The following MED17 variants were observed in gnomAD, a reference collection of about 807,000 sequenced individuals.
MED17 encodes the protein mediator complex subunit 17, also known as mediator of RNA polymerase II transcription subunit 17.
Under a neutral mutation model 80.8 loss-of-function variants are expected in MED17, and 49 were observed. The ratio of observed to expected loss-of-function variants is 0.61; its 90% CI spans 0.48 to 0.77. MED17 has a LOEUF of 0.77. Among genes scored for constraint, MED17 ranks in the 30% least tolerant of loss-of-function variants. The probability of loss-of-function intolerance (pLI) is 0.00; values close to 1 mark genes in which losing one functional copy is unlikely to be tolerated. For synonymous variants in MED17, 281 were observed against 280.4 expected (o/e 1.00, Z -0.02); for missense variants, 718 against 787.0 (o/e 0.91, Z 1.05).
At position 93,814,771 on chromosome 11, in the gene MED17, T is replaced by C. The variant is rs1030406560; in HGVS notation, c.*2707T>C. 2.6e-5 allele frequency: 4 copies of C among 152,222 alleles called. No individual in the cohort carries two copies. The highest frequency in any genetic ancestry group is 4.4e-5 in the Non-Finnish European group (3 of 68,040). 9.4% of individuals were successfully genotyped at this position (152,222 alleles called of 1,614,324 possible). A position where few individuals can be genotyped will look rare whatever the true frequency, so the allele number is the denominator to read the frequency against. The stretch of plus-strand genomic sequence containing the variant: ...CTGTATTCATATTTGTATGATGTTT[T>C]ATATATGGTGAAGATATTGAGTGTT... On this transcript the variant is annotated 3_prime_UTR_variant, in exon 12 of 12. Coordinates refer to ENST00000251871, the MANE Select transcript of MED17 (RefSeq NM_004268.5).
intron 7 of MED17, 186 bp from the exon 8 acceptor site, chr11:93,797,349 C>G (rs570463205): frequency 9.9e-6 from 6 of 607,612 alleles, no homozygotes; most frequent in South Asian, 4.0e-5. Context: ...TGAGAGCGAC[C>G]CTTCTCTTTA....
At chr11:93,794,185 T>G in intron 5 of MED17, 150 bp downstream of exon 5, 1 of 567,992 alleles carries the variant, frequency 1.8e-6, no homozygotes, top group Non-Finnish European at 3.0e-6. Flanking sequence ...AAACTATTAG[T>G]GAATAGCTGT....
In MED17 at chr11:93,809,729, C is replaced by G; in HGVS notation, c.1597C>G (p.Gln533Glu). Residue 533 changes from glutamine to glutamate, a missense_variant, in exon 11 of 12, where the codon CAG becomes GAG. Coordinates refer to ENST00000251871, the MANE Select transcript of MED17 (RefSeq NM_004268.5). Reference protein sequence around the residue: ...DFLLSQMSQHQVHAVQQLAKV... With the variant: ...DFLLSQMSQHEVHAVQQLAKV... The stretch of plus-strand genomic sequence containing the variant: ...TTTTCATTCACAGATGTCACAGCAC[C>G]AGGTACATGCAGTTCAGCAACTCGC... The G allele has an allele frequency of 5.6e-6, 9 of 1,614,162 alleles. No homozygotes were observed. Among genetic ancestry groups the G allele is most frequent in the Non-Finnish European group, 7.6e-6 (9 of 1,180,036 alleles).
At chr11:93,810,973 T>C (rs1944080803) in intron 11 of MED17, 1 of 152,284 alleles carries the variant, frequency 6.6e-6, no homozygotes, top group Non-Finnish European at 1.5e-5. Flanking sequence ...CTAGGCTTCA[T>C]GGCATAGCCT....
intron 8 of MED17, 102 bp downstream of exon 8, chr11:93,797,821 A>G (rs1943920753): frequency 9.2e-6 from 10 of 1,088,424 alleles, no homozygotes; most frequent in Non-Finnish European, 1.2e-5. Flanking sequence ...TGACTTTTTT[A>G]TTTTAGGGAG....
At chr11:93,785,585 C>T (rs1943760750) in intron 1 of MED17, among the ~76,000 whole-genome samples, 1 of 152,176 alleles carries the variant, frequency 6.6e-6, no homozygotes, top group African/African-American at 2.4e-5. Context: ...TTATACCTCA[C>T]ACAAAAATTA....
At position 93,796,488 on chromosome 11, in the gene MED17, C is replaced by G. The variant is rs760044024; in HGVS notation, c.1091C>G (p.Pro364Arg). ...AAATTTGCTACTGAGAAGCAATGTC[C>G]GGAGGACCACCTTTATGTCCTAGAG... ...SQKFATEKQC[P>R]EDHLYVLEHN... The change falls in exon 7 of 12, where the codon CCG becomes CGG. Residue 364 changes from proline to arginine, a missense_variant. Coordinates refer to ENST00000251871, the MANE Select transcript of MED17 (RefSeq NM_004268.5). The G allele has an allele frequency of 1.5e-5, 25 of 1,613,744 alleles. No homozygotes were observed. Among genetic ancestry groups the G allele is most frequent in the Non-Finnish European group, 2.0e-5 (24 of 1,179,834 alleles).
intron 9 of MED17, among the ~76,000 whole-genome samples, chr11:93,803,971 AT>A (rs1399445937): frequency 1.5e-5 from 2 of 131,440 alleles, no homozygotes; most frequent in Non-Finnish European, 3.1e-5. Context: ...ATGTGTGTAT[AT>A]GTGTGTGTGT....
At chr11:93,799,744 C>G (rs1456675266) in intron 8 of MED17, among the ~76,000 whole-genome samples, 14 of 152,218 alleles carry the variant, frequency 9.2e-5, no homozygotes, top group Admixed American at 9.2e-4. Flanking sequence ...CCCCGCTACA[C>G]TCCAGTTGGG....
In MED17 at chr11:93,790,598, T is replaced by G. The variant is rs764707812; in HGVS notation, c.442T>G (p.Ser148Ala). ...KQNPQTLQLI[S>A]KKKSLAGAAQ... ...GAATCCTCAGACGTTGCAATTGATA[T>G]CTAAAAAGAAGTCACTTGCTGGAGC... Residue 148 changes from serine (S) to alanine (A), a missense_variant, in exon 3 of 12, where the codon TCT (serine) becomes GCT (alanine). Ser to Ala is a moderately conservative substitution (Grantham distance 99, BLOSUM62 1). Transcript: ENST00000251871. The G allele has an allele frequency of 6.2e-6, 10 of 1,614,148 alleles. No homozygotes were observed. The highest frequency in any genetic ancestry group is 8.5e-6 in the Non-Finnish European group (10 of 1,180,026).
chr11:93,786,960 C>T (rs1182463279), intron 1 of MED17, among the ~76,000 whole-genome samples: 1 of 152,134 alleles, frequency 6.6e-6, no homozygotes, highest in East Asian at 1.9e-4. Flanking sequence ...ACCGTACATC[C>T]ATGTTCCAGA....
At chr11:93,795,272 A>G (rs1186957472) in intron 6 of MED17, 10 of 634,622 alleles carry the variant, frequency 1.6e-5, no homozygotes, top group Admixed American at 5.9e-5. Context: ...TTTAAGCTAC[A>G]TATTAAAAAT....
chr11:93,797,778 CTGT>C, intron 8 of MED17, 59 bp downstream of exon 8: 1 of 1,470,352 alleles, frequency 6.8e-7, no homozygotes, highest in Non-Finnish European at 9.5e-7. Context: ...GTGTTTTCTT[CTGT>C]TATTTCATAA....
rs1180320399 is a variant in MED17, at chr11:93,812,307, A to G, written c.*243A>G. 2 of 571,892 alleles carry G rather than the reference A, an allele frequency of 3.5e-6. No individual in the cohort carries two copies. The highest frequency in any genetic ancestry group is 3.7e-5 in the African/African-American group (2 of 53,570). 35.4% of individuals were successfully genotyped at this position (571,892 alleles called of 1,614,324 possible). ...CAAGATGTAAAATAATATGTTTTTC[A>G]TGCAGTTTAAAATATTACTAACTTA... On this transcript the variant is annotated 3_prime_UTR_variant, in exon 12 of 12. Coordinates refer to ENST00000251871, the MANE Select transcript of MED17 (RefSeq NM_004268.5).
At position 93,795,020 on chromosome 11, in the gene MED17, C is replaced by G. The variant is rs773455328; in HGVS notation, c.972C>G (p.His324Gln). The change falls in exon 6 of 12, where the codon CAC (histidine) becomes CAG (glutamine). Residue 324 changes from histidine (H) to glutamine (Q), a missense_variant. Physicochemically the swap from His to Gln is conservative, Grantham distance 24. Coordinates refer to ENST00000251871, the MANE Select transcript of MED17 (RefSeq NM_004268.5). ...EAVQIKSQVP[H>Q]IVVKNQIISQ... ...TTCAAATTAAATCACAAGTCCCTCA[C>G]ATTGTGGTGAAAAACCAGATTATCT... is the stretch of plus-strand genomic sequence containing the variant. 1.1e-5 allele frequency: 17 copies of G among 1,614,078 alleles called. No individual in the cohort carries two copies. The Admixed American group carries it at 2.8e-4, about 27-fold the overall frequency.
At chr11:93,790,950 T>G (rs1943829284) in intron 3 of MED17, among the ~76,000 whole-genome samples, 157 bp downstream of exon 3, 2 of 152,142 alleles carry the variant, frequency 1.3e-5, no homozygotes, top group Non-Finnish European at 1.5e-5. Flanking sequence ...CTACCAAAAA[T>G]GCAAAAAATT....
Position 93,812,869 on chromosome 11 carries a change from G to A in MED17, c.*805G>A, listed in dbSNP as rs923889319. The A allele has an allele frequency of 6.6e-6, 1 of 152,114 alleles. No homozygotes were observed. The highest frequency in any genetic ancestry group is 1.5e-5 in the Non-Finnish European group (1 of 68,084). The allele number at this position is 152,114 out of a possible 1,614,324, so 9.4% of individuals were successfully genotyped here. ...AATAGGAGGCAGATTATCTCTTTAG[G>A]GCGTCCTCAAGTTTTTTTGGTCTGT... On this transcript the variant is annotated 3_prime_UTR_variant, in exon 12 of 12. Transcript: ENST00000251871.
intron 3 of MED17, chr11:93,793,503 G>C: frequency 2.1e-6 from 1 of 474,474 alleles, no homozygotes; most frequent in Non-Finnish European, 3.7e-6. Flanking sequence ...GATGTCATTA[G>C]ACTAAGAAGT....
At position 93,784,594 on chromosome 11, in the gene MED17, C is replaced by T. The variant is rs1376741103; in HGVS notation, c.81C>T (p.Thr27=). 2 of 1,607,854 alleles carry T rather than the reference C, an allele frequency of 1.2e-6. No homozygotes were observed. The highest frequency in any genetic ancestry group is 1.3e-5 in the African/African-American group (1 of 74,888). ...KQVHEVGLDG[T]ETYLPPLSMS... is the part of the protein sequence containing the mutation. ...TCCATGAGGTGGGCCTGGATGGCAC[C>T]GAGACGTACCTGCCCCCGCTGTCCA... The change falls in exon 1 of 12, where the codon ACC becomes ACT. Residue 27 remains threonine (T), a synonymous_variant. Coordinates refer to ENST00000251871, the MANE Select transcript of MED17 (RefSeq NM_004268.5).
Sources: gnomAD v4.1 joint callset for allele counts (sites outside exome capture counted in the v4.1 genomes callset) on GRCh38, gnomAD v4.1.1 for gene constraint, MANE v1.5 for transcripts, NCBI Gene and HGNC (gene_info 2026-07-23, HGNC 2026-07-21) for gene names.